TMEM50B: variants seen among roughly 807,000 people sequenced by gnomAD.
The protein encoded by TMEM50B is HCV p7-trans-regulated protein 3.
A neutral mutation model predicts 23.4 loss-of-function variants in TMEM50B; 14 were observed. The ratio of observed to expected loss-of-function variants is 0.60; its 90% CI spans 0.39 to 0.93. The LOEUF is 0.93. Among genes scored for constraint, TMEM50B ranks in the 40% least tolerant of loss-of-function variants. The pLI is 0.00. For missense variants in TMEM50B, 159 were observed against 193.0 expected (o/e 0.82, Z 1.04); for synonymous variants, 64 against 62.3 (o/e 1.03, Z -0.13).
At chr21:33,471,342 A>G (rs1481295946) in intron 1 of TMEM50B, among the ~76,000 whole-genome samples, 1 of 121,874 alleles carries the variant, frequency 8.2e-6, no homozygotes. Flanking sequence ...AACGTCCAAT[A>G]TATACTAAAA....
At chr21:33,473,498 C>A (rs1222101592) in intron 1 of TMEM50B, among the ~76,000 whole-genome samples, 1 of 147,844 alleles carries the variant, frequency 6.8e-6, no homozygotes. Context: ...AAATTCTATA[C>A]CCAGCAAAAA....
intron 8 of TMEM50B, among the ~76,000 whole-genome samples, chr21:33,435,841 G>A (rs1362117238): frequency 1.0e-4 from 12 of 120,062 alleles, no homozygotes; most frequent in Non-Finnish European, 1.4e-4. Flanking sequence ...TGAGATCCAC[G>A]CCACTGCACT....
chr21:33,452,364 CAGG>C (rs769182318), intron 6 of TMEM50B, among the ~76,000 whole-genome samples: 5 of 152,144 alleles, frequency 3.3e-5, no homozygotes, highest in Admixed American at 2.6e-4. Flanking sequence ...AGAGGGAACG[CAGG>C]AGATCTGCAG....
chr21:33,461,562 G>A (rs1156584095), intron 4 of TMEM50B, among the ~76,000 whole-genome samples: 1 of 152,220 alleles, frequency 6.6e-6, no homozygotes, highest in East Asian at 1.9e-4. Context: ...CTAGAAATTT[G>A]GGAGGCCAAG....
At chr21:33,467,440 A>G (rs967415353) in intron 2 of TMEM50B, among the ~76,000 whole-genome samples, 3 of 152,204 alleles carry the variant, frequency 2.0e-5, no homozygotes, top group Admixed American at 6.5e-5. Context: ...TCTGGTCAAC[A>G]TGGTGAAACC....
At chr21:33,468,596 C>T in intron 2 of TMEM50B, 191 bp downstream of exon 2, 1 of 509,720 alleles carries the variant, frequency 2.0e-6, no homozygotes, top group Non-Finnish European at 3.5e-6. Flanking sequence ...TACACATTTA[C>T]AAAGTCAAAA....
rs2123458429 is a variant in TMEM50B, at chr21:33,473,008, G to A, written c.-41-4082C>T. Among the ~76,000 whole-genome samples the A allele has an allele frequency of 1.3e-5, 2 of 152,138 alleles. 1 individual carries two copies. Among genetic ancestry groups the A allele is most frequent in the South Asian group, 4.1e-4 (2 of 4,820 alleles). ...ATCATAATCAAACTGCTGAAAACCA[G>A]AGATACAGAGAAACTCTTGAAACAG... On this transcript the variant is annotated intron_variant, in intron 1 of 6. Coordinates refer to ENST00000542230, the MANE Select transcript of TMEM50B (RefSeq NM_006134.7).
At position 33,478,753 on chromosome 21, in the gene TMEM50B, T is replaced by TA. The variant is rs200512343; in HGVS notation, c.-42+1084dup. On this transcript the variant is annotated intron_variant, in intron 1 of 6. Transcript: ENST00000542230. Reference sequence around the variant, plus strand: ...AAGTCTTGCACCACTATCTTCAGTTTAAAAAAAAAGTTTAATGTTTGCTCT... The same window carrying TA: ...AAGTCTTGCACCACTATCTTCAGTTTAAAAAAAAAAGTTTAATGTTTGCTCT... The TA allele has an allele frequency of 1.2e-3, 549 of 466,916 alleles. 4 individuals are homozygous for TA. The highest frequency in any genetic ancestry group is 9.7e-3 in the African/African-American group (483 of 49,848). 28.9% of individuals were successfully genotyped at this position (466,916 alleles called of 1,614,324 possible). A position where few individuals can be genotyped will look rare whatever the true frequency, so the allele number is the denominator to read the frequency against.
At chr21:33,469,191 TG>T (rs536136477) in intron 1 of TMEM50B, among the ~76,000 whole-genome samples, 37 of 152,312 alleles carry the variant, frequency 2.4e-4, no homozygotes, top group African/African-American at 8.9e-4. Context: ...GGTTCACGCC[TG>T]TAATTCCAGC....
intron 4 of TMEM50B, among the ~76,000 whole-genome samples, chr21:33,463,273 C>G (rs2123439895): frequency 6.6e-6 from 1 of 152,270 alleles, no homozygotes; most frequent in East Asian, 1.9e-4. Context: ...GTCTGGGTGA[C>G]AGAGCGAGAC....
At chr21:33,437,171 T>G in intron 8 of TMEM50B, 1 of 560,108 alleles carries the variant, frequency 1.8e-6, no homozygotes, top group Non-Finnish European at 3.2e-6. Context: ...AATTCCAGAA[T>G]GATTTTACGG....
At chr21:33,466,942 C>A in intron 3 of TMEM50B, 68 bp downstream of exon 3, 1 of 1,211,584 alleles carries the variant, frequency 8.3e-7, no homozygotes, top group East Asian at 2.4e-5. Flanking sequence ...TTCAAGAAAG[C>A]ACTGCACATT....
At chr21:33,475,709 C>T (rs915462841) in intron 1 of TMEM50B, among the ~76,000 whole-genome samples, 3 of 151,798 alleles carry the variant, frequency 2.0e-5, no homozygotes, top group African/African-American at 7.2e-5. Context: ...AATCCCAGCA[C>T]TTTGGGAGGC....
At chr21:33,448,240 G>A (rs1006167401), downstream of TMEM50B, among the ~76,000 whole-genome samples, 5 of 151,944 alleles carry the variant, frequency 3.3e-5, no homozygotes, top group South Asian at 2.1e-4. Context: ...TGATCTGCCC[G>A]CCTCGGCCTC....
At chr21:33,463,247 G>A (rs762803893) in intron 4 of TMEM50B, among the ~76,000 whole-genome samples, 2 of 152,156 alleles carry the variant, frequency 1.3e-5, no homozygotes, top group Admixed American at 6.5e-5. Context: ...AGCTGAGATC[G>A]CACCACTGTA....
chr21:33,450,788 C>T lies in TMEM50B; in HGVS notation c.*30G>A, dbSNP rs779920920. 6.3e-7 allele frequency: 1 copy of T among 1,598,002 alleles called. No homozygotes were observed. Among genetic ancestry groups the T allele is most frequent in the Non-Finnish European group, 8.5e-7 (1 of 1,170,414 alleles). On this transcript the variant is annotated 3_prime_UTR_variant, in exon 7 of 7. Transcript: ENST00000542230. Reference sequence around the variant, plus strand: ...AAACCTATCTACAAACAGAATATAACAAAAGGAAAATGTGACTTAAGAAGT... The same window carrying T: ...AAACCTATCTACAAACAGAATATAATAAAAGGAAAATGTGACTTAAGAAGT...
intron 4 of TMEM50B, 41 bp downstream of exon 4, chr21:33,465,301 C>T: frequency 6.7e-7 from 1 of 1,500,750 alleles, no homozygotes; most frequent in Non-Finnish European, 9.2e-7. Context: ...TGACAAATTT[C>T]TGTTTTGTCA....
intron 7 of TMEM50B, among the ~76,000 whole-genome samples, chr21:33,443,447 A>G (rs369468262): frequency 3.4e-4 from 52 of 152,294 alleles, no homozygotes; most frequent in African/African-American, 1.2e-3. Context: ...CTGTTGACCT[A>G]AACAGAACAC....
chr21:33,451,166 A>T (rs1387748980), intron 6 of TMEM50B, among the ~76,000 whole-genome samples: 1 of 152,184 alleles, frequency 6.6e-6, no homozygotes, highest in East Asian at 1.9e-4. Context: ...AAATCAAAAG[A>T]AAAAGGGAGA....
Sources: gnomAD v4.1 joint callset for allele counts (sites outside exome capture counted in the v4.1 genomes callset) on GRCh38, gnomAD v4.1.1 for gene constraint, MANE v1.5 for transcripts, NCBI Gene and HGNC (gene_info 2026-07-23, HGNC 2026-07-21) for gene names.